The following IFT172 variants were observed in gnomAD, a reference collection of about 807,000 sequenced individuals.
IFT172 encodes intraflagellar transport protein 172 homolog.
A neutral mutation model predicts 248.9 loss-of-function variants in IFT172; 164 were observed. That is an observed-to-expected ratio of 0.66 (90% CI 0.58 to 0.75). IFT172 has a LOEUF of 0.75. Among genes scored for constraint, IFT172 ranks in the 30% least tolerant of loss-of-function variants. The pLI is 0.00. For synonymous variants in IFT172, 729 were observed against 791.6 expected (o/e 0.92, Z 1.33); for missense variants, 1,950 against 2,192.4 (o/e 0.89, Z 2.21).
chr2:27,482,537 G>A (rs889634369), intron 7 of IFT172, among the ~76,000 whole-genome samples: 9 of 151,936 alleles, frequency 5.9e-5, no homozygotes, highest in East Asian at 1.9e-4. Flanking sequence ...CACCCGCCTC[G>A]GCCTCCCAAA....
intron 1 of IFT172, among the ~76,000 whole-genome samples, chr2:27,488,159 A>T (rs567175314): frequency 3.8e-4 from 54 of 140,750 alleles, no homozygotes; most frequent in African/African-American, 1.2e-3. Context: ...TTTAAAAAAA[A>T]TTTTTTTTTT....
chr2:27,469,347 T>A (rs1728912), intron 16 of IFT172, among the ~76,000 whole-genome samples: 1 of 151,722 alleles, frequency 6.6e-6, no homozygotes, highest in Non-Finnish European at 1.5e-5. Context: ...GAGCCAAGAT[T>A]GTGCCACTGT....
chr2:27,470,813 T>C lies in IFT172; in HGVS notation c.1692+115A>G, dbSNP rs926717045. The C allele has an allele frequency of 8.8e-6, 9 of 1,025,268 alleles. No homozygotes were observed. In the African/African-American group the frequency reaches 1.5e-4, roughly 17 times the overall value. The allele number at this position is 1,025,268 out of a possible 1,614,324, so 63.5% of individuals were successfully genotyped here. On this transcript the variant is annotated intron_variant, in intron 16 of 47. Coordinates refer to ENST00000260570, the MANE Select transcript of IFT172 (RefSeq NM_015662.3). ...AAGTCTAAGCTTTATTTGCCAATTC[T>C]ATCACAGAGATTAAGGGTGGTGGAC...
chr2:27,452,980 C>T (rs1665812941), intron 35 of IFT172, among the ~76,000 whole-genome samples: 1 of 152,138 alleles, frequency 6.6e-6, no homozygotes, highest in Non-Finnish European at 1.5e-5. Flanking sequence ...TTCATGTTCC[C>T]TGTCTGGCCA....
chr2:27,471,141 G>A (rs1456416157), intron 15 of IFT172, 46 bp from the exon 16 acceptor site: 1 of 1,581,170 alleles, frequency 6.3e-7, no homozygotes, highest in Admixed American at 1.8e-5. Flanking sequence ...GGGATGTGGG[G>A]TTGTCTCCTG....
chr2:27,467,353 GCTTGAGC>G (rs895133880), intron 16 of IFT172, among the ~76,000 whole-genome samples: 22 of 134,690 alleles, frequency 1.6e-4, no homozygotes, highest in African/African-American at 5.5e-4. Context: ...CAGGAGGACT[GCTTGAGC>G]CCAGGAGTTT....
intron 29 of IFT172, 45 bp from the exon 30 acceptor site, chr2:27,456,698 C>T: frequency 6.3e-7 from 1 of 1,592,026 alleles, no homozygotes. Flanking sequence ...CAGAGCTTCT[C>T]CCTTCTCATC....
rs1223855055 is a variant in IFT172, at chr2:27,458,241, CA to C, written c.2878-19del. ...ATCGCCAGCTGTGGAGGCACAGAGGCAAGGCAGCCTCAGATCCAATTCCCCA... is the reference window on the plus strand; with the variant it reads ...ATCGCCAGCTGTGGAGGCACAGAGGCAGGCAGCCTCAGATCCAATTCCCCA... On this transcript the variant is annotated intron_variant, in intron 26 of 47. Transcript: ENST00000260570. 1 of 1,607,954 alleles carries C rather than the reference CA, an allele frequency of 6.2e-7. No individual in the cohort carries two copies. Among genetic ancestry groups the C allele is most frequent in the Non-Finnish European group, 8.5e-7 (1 of 1,174,530 alleles).
chr2:27,447,005 G>T (rs948179887), intron 42 of IFT172, among the ~76,000 whole-genome samples: 3 of 149,840 alleles, frequency 2.0e-5, no homozygotes, highest in Admixed American at 2.0e-4. Flanking sequence ...GGCCAACCTG[G>T]CTAATTTTTA....
rs760316903 is a variant in IFT172, at chr2:27,458,838, G to C, written c.2818C>G (p.Arg940Gly). 1.2e-6 allele frequency: 2 copies of C among 1,614,134 alleles called. No individual in the cohort carries two copies. The highest frequency in any genetic ancestry group is 1.7e-6 in the Non-Finnish European group (2 of 1,180,030). Reference protein sequence around the residue: ...IAEELYTKGDRTKDAIDMYTQ... With the variant: ...IAEELYTKGDGTKDAIDMYTQ... ...TACATGTCTATGGCATCTTTTGTCC[G>C]ATCTCCCTTAGTATAGAGCTCCTCA... The change falls in exon 26 of 48, where the codon CGG (arginine) becomes GGG (glycine). Residue 940 changes from arginine to glycine, a missense_variant. Physicochemically the swap from Arg to Gly is moderately radical, Grantham distance 125 (BLOSUM62 -2). This residue lies in a region of IFT172 where 1,166 missense variants were observed against 1,254.1 expected (regional missense o/e 0.93). Coordinates refer to ENST00000260570, the MANE Select transcript of IFT172 (RefSeq NM_015662.3).
In IFT172 at chr2:27,477,619, C is replaced by T. The variant is rs373380537; in HGVS notation, c.1168-7G>A. On this transcript the variant is annotated splice_polypyrimidine_tract_variant and splice_region_variant and intron_variant, in intron 11 of 47. Transcript: ENST00000260570. ...CAGATCCTTGCCAGGCTATCTGTAA[C>T]GGGAGAAGACTTAAGAAGCAATGTG... 5.7e-5 allele frequency: 91 copies of T among 1,596,014 alleles called. No individual in the cohort carries two copies. The highest frequency in any genetic ancestry group is 3.3e-4 in the Middle Eastern group (2 of 6,022).
At chr2:27,458,060 C>A (rs1476121206) in intron 27 of IFT172, 66 bp downstream of exon 27, 4 of 1,611,528 alleles carry the variant, frequency 2.5e-6, no homozygotes, top group Non-Finnish European at 3.4e-6. Context: ...CATCCTCAGA[C>A]CCCATCCCTC....
rs1668508144 is a variant in IFT172, at chr2:27,483,179, T to C, written c.570+110A>G. 1.7e-5 allele frequency: 12 copies of C among 705,146 alleles called. No individual in the cohort carries two copies. In the South Asian group the frequency reaches 1.9e-4, roughly 11 times the overall value. 43.7% of individuals were successfully genotyped at this position (705,146 alleles called of 1,614,324 possible). A position where few individuals can be genotyped will look rare whatever the true frequency, so the allele number is the denominator to read the frequency against. On this transcript the variant is annotated intron_variant, in intron 7 of 47. Coordinates refer to ENST00000260570, the MANE Select transcript of IFT172 (RefSeq NM_015662.3). ...CCACCATGCCCGACTAATTTTTGTA[T>C]TTATTTTTTGTTTTTTTGGTAGAGA... is the stretch of plus-strand genomic sequence containing the variant.
chr2:27,455,777 T>A, intron 30 of IFT172: 1 of 473,576 alleles, frequency 2.1e-6, no homozygotes, highest in South Asian at 1.6e-5. Flanking sequence ...GGTTTTATTG[T>A]ACTGACAACC....
At chr2:27,475,956 A>G (rs1023527693) in intron 14 of IFT172, among the ~76,000 whole-genome samples, 2 of 152,006 alleles carry the variant, frequency 1.3e-5, no homozygotes, top group African/African-American at 4.8e-5. Flanking sequence ...TAACAGCTAC[A>G]TTGTATAGGT....
In IFT172 at chr2:27,466,369, G is replaced by T. The variant is rs551767722; in HGVS notation, c.1693-487C>A. Reference sequence around the variant, plus strand: ...GTGAGCAAATGGGAAAAGTACAGTTGTCCTGAAAGCAAATGCAGTGTCAGG... The same window carrying T: ...GTGAGCAAATGGGAAAAGTACAGTTTTCCTGAAAGCAAATGCAGTGTCAGG... On this transcript the variant is annotated intron_variant, in intron 16 of 47. Coordinates refer to ENST00000260570, the MANE Select transcript of IFT172 (RefSeq NM_015662.3). Among the ~76,000 whole-genome samples the T allele has an allele frequency of 5.9e-5, 9 of 152,332 alleles. No homozygotes were observed. The South Asian group carries it at 1.9e-3, about 32-fold the overall frequency.
chr2:27,446,636 C>T (rs978220772), intron 42 of IFT172, among the ~76,000 whole-genome samples: 2 of 150,234 alleles, frequency 1.3e-5, no homozygotes, highest in Non-Finnish European at 2.9e-5. Flanking sequence ...GCCTCAGCCT[C>T]CTGAGTAGCT....
At chr2:27,484,936 G>A (rs1282787944) in intron 3 of IFT172, 82 bp downstream of exon 3, 33 of 841,534 alleles carry the variant, frequency 3.9e-5, no homozygotes, top group East Asian at 2.4e-4. Flanking sequence ...CTCATCCCCT[G>A]TATTTCCCCT....
At chr2:27,481,020 T>C (rs751964321) in intron 8 of IFT172, 26 bp downstream of exon 8, 1 of 1,566,062 alleles carries the variant, frequency 6.4e-7, no homozygotes, top group South Asian at 1.1e-5. Flanking sequence ...AAGTAGGCAG[T>C]AGATAAAACT....
Sources: allele counts gnomAD v4.1 joint callset (sites outside exome capture counted in the v4.1 genomes callset), GRCh38; gene constraint gnomAD v4.1.1; regional missense constraint gnomAD v4.1.1; transcripts MANE v1.5; gene names NCBI Gene and HGNC (gene_info 2026-07-23, HGNC 2026-07-21).